The following CHD1L variants were observed in gnomAD, a reference collection of about 807,000 sequenced individuals.
CHD1L encodes the protein chromodomain helicase DNA binding protein 1 like.
In CHD1L, 118 loss-of-function variants were observed where a neutral mutation model predicts 115.9. The ratio of observed to expected loss-of-function variants is 1.02; its 90% CI spans 0.88 to 1.19. The LOEUF is 1.19. Among genes scored for constraint, CHD1L ranks in the 50% most tolerant of loss-of-function variants. The pLI, the probability that CHD1L is intolerant of heterozygous loss-of-function variation, is 0.00. For missense variants in CHD1L, 1,179 were observed against 1,065.3 expected (o/e 1.11, Z -1.49); for synonymous variants, 411 against 387.1 (o/e 1.06, Z -0.72).
upstream of CHD1L, among the ~76,000 whole-genome samples, chr1:147,241,482 CT>C (rs1425271243): frequency 6.6e-6 from 1 of 152,180 alleles, no homozygotes; most frequent in Non-Finnish European, 1.5e-5. Flanking sequence ...GACCCCACCC[CT>C]ATCTCCCTTC....
chr1:147,182,068 T>C, the CHD1L span, among the ~76,000 whole-genome samples: 1 of 152,288 alleles, frequency 6.6e-6, no homozygotes, highest in South Asian at 2.1e-4. Context: ...ATCACATAAC[T>C]AAAAGGCCAG....
rs149891977 is a variant in CHD1L, at chr1:147,268,863, C to T, written c.1070C>T (p.Ala357Val). Residue 357 changes from alanine (A) to valine (V), a missense_variant, in exon 10 of 23, where the codon GCA (alanine) becomes GTA (valine). Physicochemically the swap from Ala to Val is moderately conservative, Grantham distance 64 (BLOSUM62 0). Transcript: ENST00000369258. ...CTTCACCTGCTGGATAAGCTACTAG[C>T]ATTCCTGTATTCTGGGTAGGTGGTA... The part of the protein sequence containing the change: ...GKLHLLDKLL[A>V]FLYSGGHRVL... 43 of 1,612,740 alleles carry T rather than the reference C, an allele frequency of 2.7e-5. 1 individual carries two copies. In the African/African-American group the frequency reaches 5.3e-4, roughly 20 times the overall value.
the CHD1L span, among the ~76,000 whole-genome samples, chr1:147,177,120 G>A: frequency 6.6e-6 from 1 of 151,878 alleles, no homozygotes; most frequent in Admixed American, 6.6e-5. Context: ...GAGCCCTTGA[G>A]AAAAATGCCT....
chr1:147,269,573 G>A (rs1429805287), intron 10 of CHD1L, among the ~76,000 whole-genome samples: 3 of 148,480 alleles, frequency 2.0e-5, no homozygotes, highest in African/African-American at 7.5e-5. Context: ...GGAGGCTGAG[G>A]CAGGAGAATC....
At chr1:147,288,209 C>T (rs1684012531) in intron 19 of CHD1L, among the ~76,000 whole-genome samples, 3 of 151,156 alleles carry the variant, frequency 2.0e-5, no homozygotes, top group Admixed American at 6.6e-5. Context: ...CCCGTAGTTC[C>T]AGCTACTCAG....
At chr1:147,248,622 C>A (rs1553934890) in intron 1 of CHD1L, among the ~76,000 whole-genome samples, 1 of 152,102 alleles carries the variant, frequency 6.6e-6, no homozygotes, top group East Asian at 1.9e-4. Flanking sequence ...ATCTCTGTTT[C>A]TTTTTCTTGC....
At chr1:147,190,949 T>A in the CHD1L span, among the ~76,000 whole-genome samples, 1 of 152,068 alleles carries the variant, frequency 6.6e-6, no homozygotes, top group Non-Finnish European at 1.5e-5. Flanking sequence ...TTTTTTCTCC[T>A]TGTGATAGTT....
chr1:147,230,679 A>G, the CHD1L span, among the ~76,000 whole-genome samples: 1 of 145,530 alleles, frequency 6.9e-6, no homozygotes, highest in African/African-American at 2.6e-5. Context: ...TATTGCCTCA[A>G]TTTCAGAGCC....
At chr1:147,246,222 G>C (rs997229986) in intron 1 of CHD1L, among the ~76,000 whole-genome samples, 15 of 152,132 alleles carry the variant, frequency 9.9e-5, no homozygotes, top group Admixed American at 2.0e-4. Context: ...GTCGTTGCAC[G>C]TATCAGTAGT....
At chr1:147,179,466 AC>A in the CHD1L span, 1 of 1,579,798 alleles carries the variant, frequency 6.3e-7, no homozygotes, top group Non-Finnish European at 8.7e-7. Context: ...GAGTTTTCCT[AC>A]CATATACTTC....
intron 14 of CHD1L, among the ~76,000 whole-genome samples, chr1:147,277,301 A>G (rs587700110): frequency 6.6e-5 from 10 of 152,162 alleles, no homozygotes; most frequent in South Asian, 2.1e-4. Context: ...ATCAAAAAAC[A>G]TAAGTGTTTA....
At chr1:147,278,731 G>C (rs1003479041) in intron 14 of CHD1L, among the ~76,000 whole-genome samples, 2 of 152,032 alleles carry the variant, frequency 1.3e-5, no homozygotes, top group Non-Finnish European at 2.9e-5. Context: ...TGTCTGAGGT[G>C]CTCTTTTCCA....
rs17160112 is a variant in CHD1L, at chr1:147,281,689, G to T, written c.1705+1498G>T. Among the ~76,000 whole-genome samples, 1,450 of 151,942 alleles carry T rather than the reference G, an allele frequency of 9.5e-3. 24 individuals are homozygous for T. Among genetic ancestry groups the T allele is most frequent in the African/African-American group, 0.033 (1,376 of 41,448 alleles). The stretch of plus-strand genomic sequence containing the variant: ...TCAAGGACATACTGTCTTCTCTGGG[G>T]ACATTTATTATGGCTTCTTAATATG... On this transcript the variant is annotated intron_variant, in intron 15 of 22. Coordinates refer to ENST00000369258, the MANE Select transcript of CHD1L (RefSeq NM_004284.6).
At chr1:147,214,799 C>A in the CHD1L span, 10 of 151,868 alleles carry the variant, frequency 6.6e-5, no homozygotes, top group African/African-American at 2.4e-4. Context: ...TCATTTTTAT[C>A]CCCTTAACTA....
intron 7 of CHD1L, 35 bp downstream of exon 7, chr1:147,264,619 C>T: frequency 6.2e-7 from 1 of 1,606,546 alleles, no homozygotes; most frequent in South Asian, 1.1e-5. Flanking sequence ...CCCCAAGAAG[C>T]CTTGGCACAG....
At chr1:147,290,473 G>A (rs1488234748) in intron 19 of CHD1L, among the ~76,000 whole-genome samples, 5 of 151,966 alleles carry the variant, frequency 3.3e-5, no homozygotes, top group African/African-American at 9.7e-5. Flanking sequence ...GTGGCACCAC[G>A]CCGAGGTTGG....
upstream of CHD1L, among the ~76,000 whole-genome samples, chr1:147,237,729 G>T (rs1356368915): frequency 6.6e-6 from 1 of 152,172 alleles, no homozygotes; most frequent in Non-Finnish European, 1.5e-5. Flanking sequence ...AGCCTTCAGG[G>T]ACTAGCTGGG....
the CHD1L span, among the ~76,000 whole-genome samples, chr1:147,192,723 T>C: frequency 5.9e-5 from 9 of 152,128 alleles, no homozygotes; most frequent in African/African-American, 1.7e-4. Flanking sequence ...TAGCATGAAG[T>C]GTTGTTGAAT....
intron 6 of CHD1L, chr1:147,260,822 T>C (rs1235165282): frequency 1.3e-5 from 2 of 152,194 alleles, no homozygotes; most frequent in African/African-American, 4.8e-5. Flanking sequence ...TCTGGCAAAG[T>C]AGATGAGAAA....
Sources: gnomAD v4.1 joint callset for allele counts (sites outside exome capture counted in the v4.1 genomes callset) on GRCh38, gnomAD v4.1.1 for gene constraint, MANE v1.5 for transcripts, NCBI Gene and HGNC (gene_info 2026-07-23, HGNC 2026-07-21) for gene names.